Variants in INTS2 observed in about 807,000 individuals in gnomAD.
The protein encoded by INTS2 is KIAA1287.
In INTS2, 57 loss-of-function variants were observed where a neutral mutation model predicts 139.6. The ratio of observed to expected loss-of-function variants is 0.41; its 90% confidence interval spans 0.33 to 0.51. The LOEUF (loss-of-function observed/expected upper bound fraction) is 0.51, where lower values mean the gene tolerates loss of function less well. Among genes scored for constraint, INTS2 ranks in the 20% least tolerant of loss-of-function variants. INTS2 has a pLI of 0.28. For synonymous variants in INTS2, 473 were observed against 493.4 expected (o/e 0.96, Z 0.55); for missense variants, 1,196 against 1,436.7 (o/e 0.83, Z 2.71).
chr17:61,885,502 C>T (rs1193042755), intron 15 of INTS2, among the ~76,000 whole-genome samples: 2 of 151,376 alleles, frequency 1.3e-5, no homozygotes, highest in Non-Finnish European at 2.9e-5. Flanking sequence ...GCAACCTCCG[C>T]TTCCCGGGTT....
chr17:61,892,609 C>A (rs771871362), intron 13 of INTS2, among the ~76,000 whole-genome samples: 4 of 151,718 alleles, frequency 2.6e-5, no homozygotes, highest in Non-Finnish European at 5.9e-5. Flanking sequence ...CCAGCCTGGG[C>A]AAAATAGCGA....
Position 61,869,674 on chromosome 17 carries a change from A to G in INTS2, c.3030+63T>C. 6.5e-7 allele frequency: 1 copy of G among 1,541,566 alleles called. No homozygotes were observed. The highest frequency in any genetic ancestry group is 1.7e-4 in the Middle Eastern group (1 of 5,812). Reference sequence around the variant, plus strand: ...GTTTCTAAATGATCCCTGTTAATATAGTATTCAAAGCCCCCAAGAAAAATA... The same window carrying G: ...GTTTCTAAATGATCCCTGTTAATATGGTATTCAAAGCCCCCAAGAAAAATA... On this transcript the variant is annotated intron_variant, in intron 21 of 24. Coordinates refer to ENST00000251334, the MANE Select transcript of INTS2 (RefSeq NM_001351695.2). This position sits in a 1 kb window ranked among gnomAD's most constrained non-coding sequence, Gnocchi z 5.4.
intron 5 of INTS2, among the ~76,000 whole-genome samples, chr17:61,912,373 C>CGGGGGGGGGGGGGGGGGGGGGGGGGGGGG (rs57078015): frequency 2.4e-5 from 1 of 40,904 alleles, no homozygotes; most frequent in Non-Finnish European, 4.8e-5. Context: ...AAGGTGGGGG[C>CGGGGGGGGGGGGGGGGGGGGGGGGGGGGG]GGGGGGGGGG....
intron 5 of INTS2, 96 bp downstream of exon 5, chr17:61,919,300 CAAAT>C (rs777766856): frequency 1.7e-4 from 106 of 630,184 alleles, no homozygotes; most frequent in Non-Finnish European, 2.7e-4. Flanking sequence ...GATAAAATCT[CAAAT>C]AAAATCCCAT....
chr17:61,891,457 G>A lies in INTS2; in HGVS notation c.1875+56C>T, dbSNP rs920322325. ...ATAGGAAAATAAAAATATGGGTTAA[G>A]TAAGAAGAACTAAAAGAAAAATAAG... On this transcript the variant is annotated intron_variant, in intron 14 of 24. Transcript: ENST00000251334. 3.0e-5 allele frequency: 40 copies of A among 1,327,252 alleles called. No individual in the cohort carries two copies. The African/African-American group carries it at 5.6e-4, about 19-fold the overall frequency. The allele number at this position is 1,327,252 out of a possible 1,614,324, so 82.2% of individuals were successfully genotyped here.
intron 5 of INTS2, among the ~76,000 whole-genome samples, chr17:61,918,988 G>A (rs560020595): frequency 2.0e-5 from 3 of 148,582 alleles, no homozygotes; most frequent in East Asian, 2.0e-4. Context: ...GCAGTGGTGC[G>A]ATCTCGACTC....
intron 4 of INTS2, 116 bp downstream of exon 4, chr17:61,921,609 A>G: frequency 4.2e-6 from 2 of 476,026 alleles, no homozygotes; most frequent in East Asian, 6.4e-5. Flanking sequence ...TTAAAATCAC[A>G]TAACATGTTT....
In INTS2 at chr17:61,911,985, C is replaced by T. The variant is rs1471518275; in HGVS notation, c.735G>A (p.Leu245=). The change falls in exon 6 of 25, where the codon TTG becomes TTA. Residue 245 remains leucine (L), a synonymous_variant. Transcript: ENST00000251334. ...GRRRTDALRF[L]CKMNPSQALK... is the part of the protein sequence containing the mutation. ...GGGCCTGAGAAGGATTCATTTTACA[C>T]AAGAAGCGTAAGGCATCTGTCCTGC... The T allele has an allele frequency of 6.2e-7, 1 of 1,613,782 alleles. No homozygotes were observed. The highest frequency in any genetic ancestry group is 8.5e-7 in the Non-Finnish European group (1 of 1,179,830).
At chr17:61,920,802 C>CA (rs1031734855) in intron 4 of INTS2, among the ~76,000 whole-genome samples, 8 of 146,028 alleles carry the variant, frequency 5.5e-5, no homozygotes, top group South Asian at 4.4e-4. Flanking sequence ...GACTCCATCT[C>CA]AAAAAAAAAA....
rs374090205 is a variant in INTS2 at position 61,877,985 on chromosome 17, T to C, written c.2358A>G (p.Thr786=). The C allele has an allele frequency of 9.3e-6, 15 of 1,612,258 alleles. No individual in the cohort carries two copies. In the African/African-American group the frequency reaches 2.0e-4, roughly 22 times the overall value. The change falls in exon 18 of 25, where the codon ACA becomes ACG. Residue 786 remains threonine, a synonymous_variant. Transcript: ENST00000251334. ...SELIPYAEVL[T]SNMSQLLNSG... Reference sequence around the variant, plus strand: ...AATTCAATAGCTGGCTCATATTGGATGTTAACACTTCCGCATATGGTATAA... The same window carrying C: ...AATTCAATAGCTGGCTCATATTGGACGTTAACACTTCCGCATATGGTATAA...
Position 61,884,949 on chromosome 17 carries a change from T to C in INTS2, c.2041A>G (p.Ile681Val), listed in dbSNP as rs1213959521. Residue 681 changes from isoleucine (I) to valine (V), a missense_variant, in exon 16 of 25, where the codon ATC becomes GTC. Physicochemically the swap from Ile to Val is conservative, Grantham distance 29 (BLOSUM62 3). This residue lies in a region of INTS2 where 1,129 missense variants were observed against 1,341.9 expected (regional missense o/e 0.84). Transcript: ENST00000251334. Reference sequence around the variant, plus strand: ...TGAGCCTGTCGAATAAGGAATTTGATAGGAATCTGATCCATTAAAGAAGAA... The same window carrying C: ...TGAGCCTGTCGAATAAGGAATTTGACAGGAATCTGATCCATTAAAGAAGAA... The part of the protein sequence containing the change: ...YSSSLMDQIP[I>V]KFLIRQAQGL... The C allele has an allele frequency of 1.9e-6, 3 of 1,609,362 alleles. No individual in the cohort carries two copies. Among genetic ancestry groups the C allele is most frequent in the East Asian group, 2.2e-5 (1 of 44,834 alleles).
At chr17:61,879,022 T>A (rs1406701553) in intron 17 of INTS2, among the ~76,000 whole-genome samples, 1 of 150,132 alleles carries the variant, frequency 6.7e-6, no homozygotes, top group East Asian at 1.9e-4. Flanking sequence ...TTTTAATTTA[T>A]TTTTTTTCAT....
intron 14 of INTS2, among the ~76,000 whole-genome samples, chr17:61,890,983 C>CAAAAAAAAAA (rs753902456): frequency 1.8e-4 from 2 of 11,320 alleles, no homozygotes; most frequent in African/African-American, 6.7e-4. Flanking sequence ...ACTCCAGTCT[C>CAAAAAAAAAA]AAAAAAAAAA....
At chr17:61,884,312 G>A (rs1331801060) in intron 16 of INTS2, among the ~76,000 whole-genome samples, 2 of 152,080 alleles carry the variant, frequency 1.3e-5, no homozygotes, top group African/African-American at 4.8e-5. Context: ...GCAACATAGT[G>A]AAACCCTGTC....
In INTS2 at chr17:61,869,306, A is replaced by C. The variant is rs1179615104; in HGVS notation, c.3105T>G (p.Pro1035=). Residue 1035 remains proline, a synonymous_variant, in exon 22 of 25, where the codon CCT becomes CCG. Transcript: ENST00000251334. This position sits in a 1 kb window ranked among gnomAD's most constrained non-coding sequence, Gnocchi z 5.4. ...CAAGTTCTGGCTGTGCAATAAGCTC[A>C]GGTATGAAATCTAGACAGATGTGCA... The part of the protein sequence containing the change: ...PSMHICLDFI[P]ELIAQPELEK... 42 of 1,606,172 alleles carry C rather than the reference A, an allele frequency of 2.6e-5. No homozygotes were observed. Among genetic ancestry groups the C allele is most frequent in the Non-Finnish European group, 3.3e-5 (39 of 1,175,830 alleles).
At chr17:61,905,449 C>A (rs1324584416) in intron 8 of INTS2, among the ~76,000 whole-genome samples, 8 of 152,166 alleles carry the variant, frequency 5.3e-5, no homozygotes, top group Non-Finnish European at 1.2e-4. Flanking sequence ...GCCTCAGACT[C>A]CTGAGTAGCT....
At chr17:61,880,029 T>C (rs1431916897) in intron 17 of INTS2, among the ~76,000 whole-genome samples, 1 of 152,134 alleles carries the variant, frequency 6.6e-6, no homozygotes, top group African/African-American at 2.4e-5. Flanking sequence ...CTCCATTACA[T>C]AGTCCTATTC....
chr17:61,867,613 G>C lies in INTS2; in HGVS notation c.3535C>G (p.His1179Asp). The change falls in exon 25 of 25, where the codon CAC becomes GAC. Residue 1179 changes from histidine to aspartate, a missense_variant. By Grantham distance (81) the His-to-Asp change is moderately conservative (BLOSUM62 -1). Coordinates refer to ENST00000251334, the MANE Select transcript of INTS2 (RefSeq NM_001351695.2). This position sits in a 1 kb window ranked among gnomAD's most constrained non-coding sequence, Gnocchi z 5.6. ...GSMDPDVQLC[H>D]CIERTVIEII... is the part of the protein sequence containing the mutation. ...TCAATTACTGTTCTTTCAATACAGT[G>C]ACAGAGCTGTACATCAGGATCCATG... 1 of 1,611,060 alleles carries C rather than the reference G, an allele frequency of 6.2e-7. No individual in the cohort carries two copies. Among genetic ancestry groups the C allele is most frequent in the Non-Finnish European group, 8.5e-7 (1 of 1,177,590 alleles).
At chr17:61,880,964 G>A in intron 17 of INTS2, 43 bp downstream of exon 17, 1 of 1,454,374 alleles carries the variant, frequency 6.9e-7, no homozygotes, top group East Asian at 2.3e-5. Flanking sequence ...GCATCTCCTT[G>A]TACTACAAAA....
Sources: gnomAD v4.1 joint callset for allele counts (sites outside exome capture counted in the v4.1 genomes callset) on GRCh38, gnomAD v4.1.1 for gene constraint, gnomAD v4.1.1 regional missense constraint, Gnocchi (gnomAD v3.1) non-coding constraint, MANE v1.5 for transcripts, NCBI Gene and HGNC (gene_info 2026-07-23, HGNC 2026-07-21) for gene names.